The following LRRC69 variants were observed in gnomAD, a reference collection of about 807,000 sequenced individuals.
The protein encoded by LRRC69 is leucine rich repeat containing 69.
A neutral mutation model predicts 37.8 loss-of-function variants in LRRC69; 42 were observed. The ratio of observed to expected loss-of-function variants is 1.11; its 90% CI spans 0.87 to 1.44. The LOEUF (loss-of-function observed/expected upper bound fraction) is 1.44. LRRC69 is among the 40% of genes most tolerant of loss of function. The pLI, the probability that LRRC69 is intolerant of heterozygous loss-of-function variation, is 0.00. For synonymous variants in LRRC69, 141 were observed against 143.1 expected, an observed-to-expected ratio of 0.99 and a Z score of 0.11; for missense variants, 357 against 401.9, an observed-to-expected ratio of 0.89 and a Z score of 0.96.
chr8:91,113,770 A>G (rs1813453013), intron 1 of LRRC69, among the ~76,000 whole-genome samples: 1 of 151,812 alleles, frequency 6.6e-6, no homozygotes, highest in African/African-American at 2.4e-5. Context: ...ATAAAAAGGC[A>G]TTCTACAGAA....
At chr8:91,200,483 C>T in intron 6 of LRRC69, 130 bp from the exon 7 acceptor site, 2 of 578,318 alleles carry the variant, frequency 3.5e-6, no homozygotes, top group Non-Finnish European at 5.5e-6. Flanking sequence ...TCATTAGATA[C>T]ACTGCAGAAT....
At chr8:91,144,347 G>T (rs1808580962) in intron 5 of LRRC69, among the ~76,000 whole-genome samples, 1 of 151,998 alleles carries the variant, frequency 6.6e-6, no homozygotes, top group African/African-American at 2.4e-5. Flanking sequence ...CCTGTTCCAG[G>T]TTATTTTCCT....
intron 5 of LRRC69, among the ~76,000 whole-genome samples, chr8:91,150,980 T>G (rs1808725574): frequency 6.6e-6 from 1 of 151,972 alleles, no homozygotes; most frequent in South Asian, 2.1e-4. Flanking sequence ...CTCTCTTTTT[T>G]TCTTTATTAG....
intron 1 of LRRC69, among the ~76,000 whole-genome samples, chr8:91,107,648 A>G (rs1024262610): frequency 2.6e-5 from 4 of 152,052 alleles, no homozygotes; most frequent in African/African-American, 4.8e-5. Flanking sequence ...ATGACTAGCA[A>G]CAATGATAAA....
chr8:91,192,826 G>T (rs1809524264), intron 6 of LRRC69, among the ~76,000 whole-genome samples: 1 of 149,660 alleles, frequency 6.7e-6, no homozygotes. Flanking sequence ...AGTTTCTTTT[G>T]CTGTGCAGAA....
intron 1 of LRRC69, among the ~76,000 whole-genome samples, chr8:91,113,400 G>A (rs1009128848): frequency 2.0e-5 from 3 of 151,982 alleles, no homozygotes; most frequent in Admixed American, 1.3e-4. Flanking sequence ...AGAGAGCCCA[G>A]AAATAAATCC....
intron 5 of LRRC69, among the ~76,000 whole-genome samples, chr8:91,154,979 G>A (rs1463851686): frequency 1.3e-5 from 2 of 151,564 alleles, no homozygotes; most frequent in African/African-American, 4.8e-5. Flanking sequence ...AAACCCCGTC[G>A]TCTCAACCCA....
At chr8:91,158,454 T>A in intron 5 of LRRC69, 2 of 1,280,324 alleles carry the variant, frequency 1.6e-6, no homozygotes, top group Non-Finnish European at 2.3e-6. Context: ...ATGCATGCTG[T>A]TAATGGAAGA....
chr8:91,195,374 GCTGAGTTCAATTC>G (rs1447754059), intron 6 of LRRC69, among the ~76,000 whole-genome samples: 4 of 151,426 alleles, frequency 2.6e-5, no homozygotes, highest in Non-Finnish European at 5.9e-5. Context: ...TTGGTGCAGA[GCTGAGTTCAATTC>G]CTGGGTATCC....
chr8:91,119,197 G>A (rs1056237143), intron 1 of LRRC69, among the ~76,000 whole-genome samples: 1 of 151,960 alleles, frequency 6.6e-6, no homozygotes. Context: ...TGGGGCTTGA[G>A]GTATTTCTCA....
intron 5 of LRRC69, among the ~76,000 whole-genome samples, chr8:91,166,492 G>GAAAAAAAA (rs66705016): frequency 1.5e-4 from 14 of 95,256 alleles, no homozygotes; most frequent in African/African-American, 4.1e-4. Context: ...AAAATAAACT[G>GAAAAAAAA]AAAAAAAAAA....
chr8:91,118,351 CAAAAAAAAAAAAAAAAAA>C (rs10525965), intron 1 of LRRC69: 11 of 102,092 alleles, frequency 1.1e-4, no homozygotes, highest in Admixed American at 8.9e-4. Flanking sequence ...ACTAAAAATG[CAAAAAAAAAAAAAAAAAA>C]AAAAAAAAAA....
chr8:91,158,802 A>T, intron 5 of LRRC69: 1 of 740,264 alleles, frequency 1.4e-6, no homozygotes, highest in East Asian at 2.5e-5. Context: ...CCAATGATTC[A>T]TAACAATGTA....
chr8:91,150,851 A>G (rs1221805397), intron 5 of LRRC69, among the ~76,000 whole-genome samples: 1 of 151,942 alleles, frequency 6.6e-6, no homozygotes, highest in Non-Finnish European at 1.5e-5. Flanking sequence ...CATTTCTTCT[A>G]GACTTTCTAG....
rs76336108 is a variant in LRRC69 at position 91,108,987 on chromosome 8, T to C, written c.183+6143T>C. Among the ~76,000 whole-genome samples, 677 of 152,136 alleles carry C rather than the reference T, an allele frequency of 4.4e-3. 9 individuals carry two copies. The highest frequency in any genetic ancestry group is 0.016 in the African/African-American group (651 of 41,558). ...GAAGATCCATGTCATTTATACTGTT[T>C]GTCAGCATCAAGCCTTTCTCTTCTC... On this transcript the variant is annotated intron_variant, in intron 1 of 7. Coordinates refer to ENST00000448384, the Ensembl canonical transcript of LRRC69.
At chr8:91,157,335 A>G (rs775249144) in intron 5 of LRRC69, 63 of 1,608,550 alleles carry the variant, frequency 3.9e-5, no homozygotes, top group Non-Finnish European at 5.3e-5. Flanking sequence ...TCACCTATGA[A>G]TGGACTGTCC....
At chr8:91,207,528 C>G (rs1249652000) in intron 7 of LRRC69, among the ~76,000 whole-genome samples, 1 of 152,192 alleles carries the variant, frequency 6.6e-6, no homozygotes, top group Admixed American at 6.5e-5. Flanking sequence ...TGGTTTAACC[C>G]TGGTGCCTAC....
chr8:91,136,833 T>C (rs188181275), intron 5 of LRRC69, among the ~76,000 whole-genome samples: 97 of 152,220 alleles, frequency 6.4e-4, no homozygotes, highest in African/African-American at 2.0e-3. Context: ...CACTGACTTA[T>C]TTCACTTAGT....
intron 6 of LRRC69, among the ~76,000 whole-genome samples, chr8:91,195,520 G>T (rs887969383): frequency 1.3e-5 from 2 of 150,768 alleles, no homozygotes; most frequent in Non-Finnish European, 3.0e-5. Context: ...TTATGAATCT[G>T]GGTGCTCCTG....
Sources: allele counts gnomAD v4.1 joint callset (sites outside exome capture counted in the v4.1 genomes callset), GRCh38; gene constraint gnomAD v4.1.1; transcripts MANE v1.5; gene names NCBI Gene and HGNC (gene_info 2026-07-23, HGNC 2026-07-21).